The following RIMS2 variants were observed in gnomAD, a reference collection of about 807,000 sequenced individuals.
RIMS2 encodes the protein regulating synaptic membrane exocytosis protein 2.
RIMS2 carries 59 observed loss-of-function variants against 174.4 expected under a neutral mutation model. The ratio of observed to expected loss-of-function variants is 0.34; its 90% CI spans 0.27 to 0.42. The LOEUF (loss-of-function observed/expected upper bound fraction) is 0.42, where lower values mean the gene tolerates loss of function less well. Ranked by LOEUF, RIMS2 falls within the 10% of genes least tolerant of loss-of-function variation. The pLI, the probability that RIMS2 is intolerant of heterozygous loss-of-function variation, is 1.00. For synonymous variants in RIMS2, 606 were observed against 572.5 expected, an observed-to-expected ratio of 1.06 and a Z score of -0.84; for missense variants, 1,620 against 1,666.3, an observed-to-expected ratio of 0.97 and a Z score of 0.48.
chr8:103,859,690 T>G (rs1358968378), intron 3 of RIMS2, among the ~76,000 whole-genome samples: 1 of 152,038 alleles, frequency 6.6e-6, no homozygotes, highest in Admixed American at 6.6e-5. Context: ...AAATCTAATA[T>G]GTCAATGCTT....
chr8:103,974,007 C>T (rs2093178455), intron 15 of RIMS2, among the ~76,000 whole-genome samples: 2 of 152,192 alleles, frequency 1.3e-5, no homozygotes, highest in South Asian at 4.1e-4. Flanking sequence ...ATGGCTAACA[C>T]AGGAGTACAA....
intron 17 of RIMS2, among the ~76,000 whole-genome samples, chr8:104,011,491 A>G (rs1241193637): frequency 6.6e-6 from 1 of 152,112 alleles, no homozygotes; most frequent in African/African-American, 2.4e-5. Context: ...CCTCTGTTTT[A>G]TAAATAATGG....
chr8:103,617,249 C>A (rs2095526612), intron 1 of RIMS2, among the ~76,000 whole-genome samples: 1 of 151,734 alleles, frequency 6.6e-6, no homozygotes, highest in African/African-American at 2.4e-5. Context: ...ACAAAACTGA[C>A]AAAAATGGGG....
At chr8:103,732,200 G>A (rs1216634494) in intron 2 of RIMS2, among the ~76,000 whole-genome samples, 2 of 152,190 alleles carry the variant, frequency 1.3e-5, no homozygotes, top group African/African-American at 2.4e-5. Flanking sequence ...CAGACTCACC[G>A]AGGTGCTGAT....
At chr8:103,747,363 T>G (rs1276632325) in intron 2 of RIMS2, among the ~76,000 whole-genome samples, 1 of 150,060 alleles carries the variant, frequency 6.7e-6, no homozygotes, top group Non-Finnish European at 1.5e-5. Context: ...TGTAAAGAAC[T>G]TTTTGGGTCA....
At position 103,542,833 on chromosome 8, in the gene RIMS2, A is replaced by G. The variant is rs73285181; in HGVS notation, c.176+41771A>G. 1.0e-3 allele frequency among the ~76,000 whole-genome samples: 158 copies of G among 152,314 alleles called. 1 individual carries two copies. The highest frequency in any genetic ancestry group is 3.4e-3 in the African/African-American group (142 of 41,582). ...AAAAACTGAGCATCCATTCATGATA[A>G]ATAAACTTCTAAAAAGTTAGGTAGA... is the stretch of plus-strand genomic sequence containing the variant. On this transcript the variant is annotated intron_variant, in intron 1 of 23. Coordinates refer to ENST00000504942, the Ensembl canonical transcript of RIMS2.
At chr8:103,905,268 T>A (rs2074129607) in intron 4 of RIMS2, among the ~76,000 whole-genome samples, 1 of 152,138 alleles carries the variant, frequency 6.6e-6, no homozygotes, top group African/African-American at 2.4e-5. Flanking sequence ...GTTATTTTTT[T>A]AGGATAGATC....
At chr8:104,101,229 C>T (rs1330611899) in intron 19 of RIMS2, among the ~76,000 whole-genome samples, 3 of 151,326 alleles carry the variant, frequency 2.0e-5, no homozygotes, top group Non-Finnish European at 4.4e-5. Context: ...CGGGTTCAAA[C>T]AGTTCTCCTG....
chr8:103,638,164 C>A (rs2096134277), intron 1 of RIMS2, among the ~76,000 whole-genome samples: 1 of 152,058 alleles, frequency 6.6e-6, no homozygotes, highest in Non-Finnish European at 1.5e-5. Context: ...GCAAGTGGGT[C>A]ACTAATTTCA....
chr8:103,975,217 T>C, intron 15 of RIMS2, 133 bp from the exon 18 acceptor site: 1 of 516,168 alleles, frequency 1.9e-6, no homozygotes, highest in East Asian at 3.1e-5. Flanking sequence ...TCATGGTTTA[T>C]TCACTATACT....
At chr8:103,849,158 A>G (rs1392747781) in intron 3 of RIMS2, among the ~76,000 whole-genome samples, 1 of 152,084 alleles carries the variant, frequency 6.6e-6, no homozygotes, top group South Asian at 2.1e-4. Context: ...TAACAGTTGC[A>G]TGGCCACTGT....
Position 104,147,743 on chromosome 8 carries a change from G to T in RIMS2, c.3335-97173G>T, listed in dbSNP as rs1158127658. Among the ~76,000 whole-genome samples the T allele has an allele frequency of 2.0e-5, 3 of 152,188 alleles. No homozygotes were observed. The East Asian group carries it at 5.8e-4, about 29-fold the overall frequency. On this transcript the variant is annotated intron_variant, in intron 19 of 23. Coordinates refer to ENST00000504942, the Ensembl canonical transcript of RIMS2. ...CTCATAGTCCTCCTAGGTTTATGGG[G>T]GCTAGCTGGATAGCCTGCTTCCAGA...
chr8:103,836,907 A>G (rs563801906), intron 3 of RIMS2, among the ~76,000 whole-genome samples: 9 of 152,322 alleles, frequency 5.9e-5, no homozygotes, highest in South Asian at 4.1e-4. Context: ...AGCAGTTTCA[A>G]TGAAAAGTGG....
chr8:103,641,584 T>G (rs2096231253), intron 1 of RIMS2, among the ~76,000 whole-genome samples: 1 of 152,062 alleles, frequency 6.6e-6, no homozygotes, highest in Admixed American at 6.6e-5. Context: ...ATGTGAAAAC[T>G]TGGTCCCTAG....
chr8:104,128,933 G>A (rs1329621376), intron 19 of RIMS2, among the ~76,000 whole-genome samples: 1 of 152,142 alleles, frequency 6.6e-6, no homozygotes, highest in East Asian at 1.9e-4. Flanking sequence ...AGTGGGCTAA[G>A]GTGTGACCTA....
At chr8:104,155,775 T>G (rs1371898809) in intron 19 of RIMS2, among the ~76,000 whole-genome samples, 1 of 152,150 alleles carries the variant, frequency 6.6e-6, no homozygotes, top group Non-Finnish European at 1.5e-5. Flanking sequence ...AAAAAGATTC[T>G]TGCGATGAAA....
At position 103,966,316 on chromosome 8, in the gene RIMS2, C is replaced by T. The variant is rs1327730400; in HGVS notation, c.2770+5183C>T. Among the ~76,000 whole-genome samples the T allele has an allele frequency of 2.6e-5, 4 of 152,006 alleles. No homozygotes were observed. The South Asian group carries it at 8.3e-4, about 32-fold the overall frequency. ...ATTCAATTTATTTAATAGATGTAGG[C>T]CTGTTCAGGTTATCTGTTTTTGTTT... On this transcript the variant is annotated intron_variant, in intron 15 of 23. Transcript: ENST00000504942.
chr8:104,226,115 C>T (rs1285950880), intron 19 of RIMS2, among the ~76,000 whole-genome samples: 1 of 152,118 alleles, frequency 6.6e-6, no homozygotes, highest in Admixed American at 6.5e-5. Flanking sequence ...ATTATCATAA[C>T]TGTGAGACTC....
At chr8:104,166,177 C>G (rs867148368) in intron 19 of RIMS2, among the ~76,000 whole-genome samples, 9 of 151,208 alleles carry the variant, frequency 6.0e-5, no homozygotes, top group Admixed American at 1.3e-4. Context: ...CGCCATTCTC[C>G]TGCCTCAGCC....
Sources: allele counts gnomAD v4.1 joint callset (sites outside exome capture counted in the v4.1 genomes callset), GRCh38; gene constraint gnomAD v4.1.1; transcripts MANE v1.5; gene names NCBI Gene and HGNC (gene_info 2026-07-23, HGNC 2026-07-21).